Variants in KNTC1 observed in about 807,000 individuals in gnomAD.
The protein encoded by KNTC1 is kinetochore-associated protein 1.
Under a neutral mutation model 314.4 loss-of-function variants are expected in KNTC1, and 253 were observed. That is an observed-to-expected ratio of 0.80 (90% CI 0.73 to 0.89). KNTC1 has a LOEUF of 0.89. Among genes scored for constraint, KNTC1 ranks in the 40% least tolerant of loss-of-function variants. KNTC1 has a pLI of 0.00. For synonymous variants in KNTC1, 901 were observed against 901.4 expected (o/e 1.00, Z 0.01); for missense variants, 2,475 against 2,572.9 (o/e 0.96, Z 0.82).
At chr12:122,598,819 T>G (rs2138092791) in intron 44 of KNTC1, among the ~76,000 whole-genome samples, 1 of 151,784 alleles carries the variant, frequency 6.6e-6, no homozygotes, top group Non-Finnish European at 1.5e-5. Context: ...TAAACTTTTT[T>G]TTTTTTATTT....
intron 55 of KNTC1, 106 bp from the exon 56 acceptor site, chr12:122,614,885 A>C: frequency 1.4e-6 from 1 of 713,244 alleles, no homozygotes; most frequent in Non-Finnish European, 2.3e-6. Flanking sequence ...CATCTCAAAA[A>C]AAAAAAAAGC....
At chr12:122,562,050 C>T (rs571272661) in intron 19 of KNTC1, 76 bp downstream of exon 19, 61 of 1,391,772 alleles carry the variant, frequency 4.4e-5, no homozygotes, top group East Asian at 7.0e-5. Context: ...AAAATAGACC[C>T]GTATTTTATC....
At chr12:122,594,929 C>G (rs1870820532) in intron 43 of KNTC1, among the ~76,000 whole-genome samples, 1 of 152,186 alleles carries the variant, frequency 6.6e-6, no homozygotes, top group African/African-American at 2.4e-5. Flanking sequence ...GTCACCCAGG[C>G]TGGAGTGCAG....
rs574297455 is a variant in KNTC1 at position 122,543,389 on chromosome 12, G to A, written c.524-211G>A. ...GGAGAAGATCCCCTTAGTAGGAAGA[G>A]AGGTGGTAAGGGTAGGTATGGAGAG... is the stretch of plus-strand genomic sequence containing the variant. On this transcript the variant is annotated intron_variant, in intron 6 of 63. Coordinates refer to ENST00000333479, the MANE Select transcript of KNTC1 (RefSeq NM_014708.6). Among the ~76,000 whole-genome samples, 4 of 152,338 alleles carry A rather than the reference G, an allele frequency of 2.6e-5. No individual in the cohort carries two copies. In the South Asian group the frequency reaches 6.2e-4, roughly 24 times the overall value.
intron 30 of KNTC1, among the ~76,000 whole-genome samples, chr12:122,577,427 T>C (rs1284984109): frequency 6.6e-6 from 1 of 152,152 alleles, no homozygotes; most frequent in African/African-American, 2.4e-5. Context: ...AAAATGTGCA[T>C]GACAGGTTGA....
At chr12:122,584,793 GCCTT>G in intron 35 of KNTC1, 96 bp from the exon 36 acceptor site, 1 of 672,344 alleles carries the variant, frequency 1.5e-6, no homozygotes, top group South Asian at 2.1e-5. Context: ...CTACATTGTG[GCCTT>G]CCTTAGAATT....
At chr12:122,594,500 T>C (rs1870764207) in intron 43 of KNTC1, 115 bp downstream of exon 43, 2 of 644,904 alleles carry the variant, frequency 3.1e-6, no homozygotes, top group South Asian at 3.8e-5. Context: ...TATTTTCTTT[T>C]GCTCATTCCC....
intron 42 of KNTC1, 84 bp from the exon 43 acceptor site, chr12:122,594,192 A>G: frequency 1.3e-6 from 1 of 760,482 alleles, no homozygotes; most frequent in East Asian, 2.4e-5. Flanking sequence ...GGATACTAAG[A>G]AGGCAAGTCA....
At chr12:122,530,276 G>A in intron 2 of KNTC1, 84 bp downstream of exon 2, 1 of 1,221,960 alleles carries the variant, frequency 8.2e-7, no homozygotes, top group Non-Finnish European at 1.2e-6. Context: ...TAAATATTTT[G>A]TGAATGAACA....
At chr12:122,594,481 A>G (rs1345525999) in intron 43 of KNTC1, 96 bp downstream of exon 43, 4 of 719,482 alleles carry the variant, frequency 5.6e-6, no homozygotes, top group Admixed American at 4.9e-5. Flanking sequence ...TATGAGGTCC[A>G]TAGACCACTA....
intron 2 of KNTC1, among the ~76,000 whole-genome samples, chr12:122,530,767 G>T (rs932275275): frequency 2.0e-5 from 3 of 152,054 alleles, no homozygotes; most frequent in Non-Finnish European, 2.9e-5. Context: ...GAATATCTAC[G>T]ACTGACTTAG....
chr12:122,559,797 A>G (rs764180336), intron 18 of KNTC1, among the ~76,000 whole-genome samples: 3 of 151,612 alleles, frequency 2.0e-5, no homozygotes, highest in Non-Finnish European at 2.9e-5. Flanking sequence ...CTGGTCTTGA[A>G]CTCCTGACCT....
intron 18 of KNTC1, among the ~76,000 whole-genome samples, 157 bp from the exon 19 acceptor site, chr12:122,561,764 T>C (rs7306645): frequency 1.7e-3 from 255 of 152,292 alleles, no homozygotes; most frequent in African/African-American, 5.7e-3. Flanking sequence ...AAATGCATTA[T>C]TTTAAAAAAC....
In KNTC1 at chr12:122,551,454, C is replaced by G. The variant is rs1212211711; in HGVS notation, c.1131-4C>G. On this transcript the variant is annotated splice_region_variant and splice_polypyrimidine_tract_variant and intron_variant, in intron 14 of 63. Transcript: ENST00000333479. The stretch of plus-strand genomic sequence containing the variant: ...AGCGCATTTATAGTTAAAATTTTTT[C>G]TAGATTGTCTGAAGACTCAGTCTCT... The G allele has an allele frequency of 1.3e-6, 2 of 1,576,828 alleles. No homozygotes were observed. Among genetic ancestry groups the G allele is most frequent in the Non-Finnish European group, 1.7e-6 (2 of 1,159,264 alleles).
Position 122,549,859 on chromosome 12 carries a change from A to C in KNTC1, c.1081A>C (p.Ser361Arg). ...TTCTTCTCTGGTCCAAACAGGAATTAGCACAGTAAGTTTATTTGCATTTTA... is the reference window on the plus strand; with the variant it reads ...TTCTTCTCTGGTCCAAACAGGAATTCGCACAGTAAGTTTATTTGCATTTTA... Reference protein sequence around the residue: ...SVSSLVQTGISTDTIYLLEGV... With the variant: ...SVSSLVQTGIRTDTIYLLEGV... The change falls in exon 13 of 64, where the codon AGC becomes CGC. Residue 361 changes from serine to arginine, a missense_variant. By Grantham distance (110) the Ser-to-Arg change is moderately radical. Transcript: ENST00000333479. 6.6e-7 allele frequency: 1 copy of C among 1,510,872 alleles called. No individual in the cohort carries two copies. Among genetic ancestry groups the C allele is most frequent in the South Asian group, 1.2e-5 (1 of 85,626 alleles). The allele number at this position is 1,510,872 out of a possible 1,614,324, so 93.6% of individuals were successfully genotyped here.
chr12:122,588,894 A>G, intron 40 of KNTC1, 78 bp downstream of exon 40: 1 of 833,610 alleles, frequency 1.2e-6, no homozygotes, highest in Non-Finnish European at 1.8e-6. Flanking sequence ...ATGACTCAAT[A>G]GTTTATGATT....
intron 19 of KNTC1, among the ~76,000 whole-genome samples, chr12:122,562,302 A>G (rs983929631): frequency 6.6e-6 from 1 of 152,214 alleles, no homozygotes; most frequent in African/African-American, 2.4e-5. Context: ...GTTCAAATTA[A>G]GTATTGTAAT....
intron 42 of KNTC1, among the ~76,000 whole-genome samples, chr12:122,592,465 C>T (rs1020545631): frequency 5.3e-5 from 8 of 152,342 alleles, no homozygotes; most frequent in Admixed American, 3.9e-4. Flanking sequence ...GCGGGATCCA[C>T]TAGGTGAAGC....
intron 51 of KNTC1, among the ~76,000 whole-genome samples, chr12:122,606,373 A>T (rs1872594620): frequency 6.6e-6 from 1 of 151,748 alleles, no homozygotes; most frequent in Non-Finnish European, 1.5e-5. Context: ...GTGCGCCACT[A>T]TGGCCAGCTA....
Sources: gnomAD v4.1 joint callset for allele counts (sites outside exome capture counted in the v4.1 genomes callset) on GRCh38, gnomAD v4.1.1 for gene constraint, MANE v1.5 for transcripts, NCBI Gene and HGNC (gene_info 2026-07-23, HGNC 2026-07-21) for gene names.